Variants in B4GALT5 observed in about 807,000 individuals in gnomAD.
B4GALT5 encodes beta-1,4-galactosyltransferase 5, also known as UDP-Gal:beta-GlcNAc beta-1,4-galactosyltransferase 5.
In B4GALT5, 11 loss-of-function variants were observed where a neutral mutation model predicts 45.0. That is an observed-to-expected ratio of 0.24 (90% CI 0.15 to 0.40). The LOEUF is 0.40. B4GALT5 is among the 10% of genes least tolerant of loss of function. The pLI is 1.00. For missense variants in B4GALT5, 337 were observed against 500.2 expected, an observed-to-expected ratio of 0.67 and a Z score of 3.11; for synonymous variants, 185 against 182.9, an observed-to-expected ratio of 1.01 and a Z score of -0.09.
intron 1 of B4GALT5, among the ~76,000 whole-genome samples, chr20:49,703,733 A>AATAATAATAATAAT (rs2085872701): frequency 6.6e-6 from 1 of 151,338 alleles, no homozygotes; most frequent in African/African-American, 2.4e-5. Flanking sequence ...TACTAAAAAA[A>AATAATAATAATAAT]AAAAAAATAG....
intron 3 of B4GALT5, among the ~76,000 whole-genome samples, chr20:49,644,757 C>A (rs920724584): frequency 6.6e-6 from 1 of 152,134 alleles, no homozygotes; most frequent in East Asian, 1.9e-4. Context: ...AACAGTAAGG[C>A]TTCCAACACA....
chr20:49,657,021 C>A (rs1197841752), intron 1 of B4GALT5, among the ~76,000 whole-genome samples: 2 of 151,980 alleles, frequency 1.3e-5, no homozygotes, highest in Non-Finnish European at 2.9e-5. Flanking sequence ...GAAGAAAGAC[C>A]TTTATGAATT....
At chr20:49,645,602 A>T (rs531181412) in intron 3 of B4GALT5, among the ~76,000 whole-genome samples, 7 of 152,132 alleles carry the variant, frequency 4.6e-5, no homozygotes, top group Non-Finnish European at 8.8e-5. Flanking sequence ...TACAAAAATT[A>T]GCCAGGCGTG....
At chr20:49,672,644 C>T (rs550982048) in intron 1 of B4GALT5, among the ~76,000 whole-genome samples, 132 of 152,108 alleles carry the variant, frequency 8.7e-4, no homozygotes, top group African/African-American at 3.0e-3. Context: ...GACCCAAGTC[C>T]ACAGAAACAG....
chr20:49,655,432 C>CA (rs895193747), intron 2 of B4GALT5, among the ~76,000 whole-genome samples: 1 of 151,870 alleles, frequency 6.6e-6, no homozygotes, highest in South Asian at 2.1e-4. Context: ...AACTCCATCT[C>CA]AAAAAAACCC....
chr20:49,686,728 C>CAAAAAA (rs59766440), intron 1 of B4GALT5, among the ~76,000 whole-genome samples: 3 of 59,454 alleles, frequency 5.0e-5, no homozygotes, highest in African/African-American at 1.4e-4. Flanking sequence ...TGTCTCTGCC[C>CAAAAAA]AAAAAAAAAA....
intron 1 of B4GALT5, among the ~76,000 whole-genome samples, chr20:49,682,710 C>T (rs551158821): frequency 6.6e-6 from 1 of 152,190 alleles, no homozygotes; most frequent in Non-Finnish European, 1.5e-5. Flanking sequence ...AAAGGACACA[C>T]AAGTTTGCCT....
intron 1 of B4GALT5, among the ~76,000 whole-genome samples, chr20:49,704,900 C>T (rs2085878047): frequency 6.6e-6 from 1 of 152,052 alleles, no homozygotes; most frequent in Admixed American, 6.5e-5. Context: ...AACAGGTTCG[C>T]TTCTGATTGC....
chr20:49,636,444 C>G lies in B4GALT5; in HGVS notation c.1035G>C (p.Arg345Ser). 1.2e-6 allele frequency: 2 copies of G among 1,614,170 alleles called. No individual in the cohort carries two copies. The highest frequency in any genetic ancestry group is 1.7e-6 in the Non-Finnish European group (2 of 1,180,028). ...CCAGCCCTTGCCGTTCTTTTGACTTCCTCAGCAGAGCATACCTGTTTAGGG... is the reference window on the plus strand; with the variant it reads ...CCAGCCCTTGCCGTTCTTTTGACTTGCTCAGCAGAGCATACCTGTTTAGGG... ...VQFLGRYALL[R>S]KSKERQGLDG... is the part of the protein sequence containing the mutation. The change falls in exon 9 of 9, where the codon AGG becomes AGC. Residue 345 changes from arginine (R) to serine (S), a missense_variant. By Grantham distance (110) the Arg-to-Ser change is moderately radical. This residue lies in a region of B4GALT5 where 163 missense variants were observed against 292.8 expected (regional missense o/e 0.56). Coordinates refer to ENST00000371711, the MANE Select transcript of B4GALT5 (RefSeq NM_004776.4).
At position 49,639,659 on chromosome 20, in the gene B4GALT5, G is replaced by A. The variant is rs770004043; in HGVS notation, c.917+19C>T. 4.2e-5 allele frequency: 67 copies of A among 1,612,080 alleles called. 2 individuals carry two copies. In the East Asian group the frequency reaches 9.2e-4, roughly 22 times the overall value. On this transcript the variant is annotated intron_variant, in intron 7 of 8. Coordinates refer to ENST00000371711, the MANE Select transcript of B4GALT5 (RefSeq NM_004776.4). ...TAAGGTAGCATTTCTAGAAGACACC[G>A]AAAGAACGGCAGAGGTACCTGTTCC...
Position 49,633,853 on chromosome 20 carries a change from C to G in B4GALT5, c.*2459G>C, listed in dbSNP as rs554427249. Reference sequence around the variant, plus strand: ...CATCATAGTGTTGTCACATTGAAAGCAACTCACAGCCTTCAGTGAGGAAAG... The same window carrying G: ...CATCATAGTGTTGTCACATTGAAAGGAACTCACAGCCTTCAGTGAGGAAAG... On this transcript the variant is annotated 3_prime_UTR_variant, in exon 9 of 9. Coordinates refer to ENST00000371711, the MANE Select transcript of B4GALT5 (RefSeq NM_004776.4). 1.4e-4 allele frequency: 21 copies of G among 152,538 alleles called. No homozygotes were observed. Among genetic ancestry groups the G allele is most frequent in the South Asian group, 1.2e-3 (6 of 4,804 alleles). 9.4% of individuals were successfully genotyped at this position (152,538 alleles called of 1,614,324 possible).
chr20:49,664,778 A>G (rs984796619), intron 1 of B4GALT5, among the ~76,000 whole-genome samples: 11 of 152,224 alleles, frequency 7.2e-5, no homozygotes, highest in African/African-American at 2.7e-4. Flanking sequence ...GTTTCGCATC[A>G]TGATGTCTAC....
intron 1 of B4GALT5, among the ~76,000 whole-genome samples, chr20:49,687,084 T>C (rs2085789204): frequency 6.6e-6 from 1 of 152,066 alleles, no homozygotes; most frequent in Non-Finnish European, 1.5e-5. Context: ...TTTGGCAGTA[T>C]CTGGGGGCAT....
At chr20:49,706,114 G>T (rs1222663144) in intron 1 of B4GALT5, among the ~76,000 whole-genome samples, 1 of 149,796 alleles carries the variant, frequency 6.7e-6, no homozygotes, top group Non-Finnish European at 1.5e-5. Flanking sequence ...AGAATCACTT[G>T]AACCCAGGAG....
chr20:49,695,270 C>A (rs1370871750), intron 1 of B4GALT5, among the ~76,000 whole-genome samples: 1 of 151,936 alleles, frequency 6.6e-6, no homozygotes, highest in South Asian at 2.1e-4. Context: ...AACACACAAC[C>A]CCCTACACAA....
At chr20:49,708,792 T>C (rs1018836358) in intron 1 of B4GALT5, among the ~76,000 whole-genome samples, 1 of 151,678 alleles carries the variant, frequency 6.6e-6, no homozygotes, top group Non-Finnish European at 1.5e-5. Context: ...ATTAGCCGGG[T>C]GTGGTGGCAG....
intron 1 of B4GALT5, among the ~76,000 whole-genome samples, chr20:49,657,723 T>C (rs547690604): frequency 1.6e-4 from 24 of 152,318 alleles, no homozygotes; most frequent in Admixed American, 1.5e-3. Flanking sequence ...CCACACTCAA[T>C]ACATCTGGCC....
intron 1 of B4GALT5, among the ~76,000 whole-genome samples, chr20:49,657,453 A>G (rs980472960): frequency 1.3e-5 from 2 of 152,232 alleles, no homozygotes; most frequent in Non-Finnish European, 2.9e-5. Flanking sequence ...CAAAACTAGA[A>G]GCTCACAAAC....
intron 2 of B4GALT5, among the ~76,000 whole-genome samples, chr20:49,653,855 T>C (rs945955071): frequency 1.3e-5 from 2 of 152,196 alleles, no homozygotes; most frequent in African/African-American, 4.8e-5. Context: ...AGTTCAATAA[T>C]AACGGGTCAC....
Sources: allele counts gnomAD v4.1 joint callset (sites outside exome capture counted in the v4.1 genomes callset), GRCh38; gene constraint gnomAD v4.1.1; regional missense constraint gnomAD v4.1.1; transcripts MANE v1.5; gene names NCBI Gene and HGNC (gene_info 2026-07-23, HGNC 2026-07-21).